The following MRM3 variants were observed in gnomAD, a reference collection of about 807,000 sequenced individuals.
The protein encoded by MRM3 is rRNA methyltransferase 3, mitochondrial.
In MRM3, 26 loss-of-function variants were observed where a neutral mutation model predicts 29.4. The observed-to-expected ratio is 0.89, with a 90% CI of 0.65 to 1.23. The LOEUF (loss-of-function observed/expected upper bound fraction) is 1.23, where lower values mean the gene tolerates loss of function less well. Among genes scored for constraint, MRM3 ranks in the 50% most tolerant of loss-of-function variants. MRM3 has a pLI of 0.00. For synonymous variants in MRM3, 225 were observed against 219.0 expected, an observed-to-expected ratio of 1.03 and a Z score of -0.24; for missense variants, 578 against 540.2, an observed-to-expected ratio of 1.07 and a Z score of -0.69.
Position 782,700 on chromosome 17 carries a change from G to A in MRM3, c.314+8G>A. On this transcript the variant is annotated splice_region_variant and intron_variant, in intron 1 of 3. Transcript: ENST00000304478. ...CGGGGACAGGAGGCTGAGGTGATGT[G>A]GTTCTTGAGCCTGTCGAATGTTCTC... is the stretch of plus-strand genomic sequence containing the variant. 6.3e-7 allele frequency: 1 copy of A among 1,589,178 alleles called. No individual in the cohort carries two copies.
rs958018630 is a variant in MRM3 at position 787,494 on chromosome 17, T to C, written c.560-471T>C. On this transcript the variant is annotated intron_variant, in intron 2 of 3. Transcript: ENST00000304478. This position sits in a 1 kb window ranked among gnomAD's most constrained non-coding sequence, Gnocchi z 4.1. ...TTGAGGGGGAGGAGAGTGGTACTGG[T>C]AGAATTTTATGTTGTTTGAATTTTG... is the stretch of plus-strand genomic sequence containing the variant. 1.3e-5 allele frequency among the ~76,000 whole-genome samples: 2 copies of C among 152,054 alleles called. No homozygotes were observed.
Position 782,553 on chromosome 17 carries a change from C to T in MRM3, c.175C>T (p.Arg59Cys). 1 of 1,614,028 alleles carries T rather than the reference C, an allele frequency of 6.2e-7. No homozygotes were observed. Among genetic ancestry groups the T allele is most frequent in the Non-Finnish European group, 8.5e-7 (1 of 1,179,922 alleles). ...GAAGCGCGCTCCTGGGAAGCAGCCC[C>T]GCAAGGCACCATCTGAGGCCAGTGC... ...EQKRAPGKQP[R>C]KAPSEASAQE... Residue 59 changes from arginine (R) to cysteine (C), a missense_variant, in exon 1 of 4, where the codon CGC (arginine) becomes TGC (cysteine). Physicochemically the swap from Arg to Cys is radical, Grantham distance 180 (BLOSUM62 -3). Coordinates refer to ENST00000304478, the MANE Select transcript of MRM3 (RefSeq NM_018146.4).
chr17:787,396 A>G lies in MRM3; in HGVS notation c.560-569A>G, dbSNP rs1597596104. On this transcript the variant is annotated intron_variant, in intron 2 of 3. Transcript: ENST00000304478. The surrounding 1 kb of genome is among the most constrained non-coding windows in gnomAD (Gnocchi z 4.1). ...CACGGAATGTAAAACACATTTACAT[A>G]TGGACAGGTGTGCATATATATAGGT... Among the ~76,000 whole-genome samples, 1 of 152,248 alleles carries G rather than the reference A, an allele frequency of 6.6e-6. No individual in the cohort carries two copies.
intron 2 of MRM3, among the ~76,000 whole-genome samples, chr17:786,903 T>TA (rs972517553): frequency 2.0e-5 from 3 of 152,142 alleles, no homozygotes; most frequent in African/African-American, 7.2e-5. Context: ...TCAAATAATT[T>TA]AACAGTCCAT....
Position 791,902 on chromosome 17 carries a change from T to TCC in MRM3, c.1098_1099dup (p.Leu367ProfsTer14). On this transcript the variant is annotated frameshift_variant, in exon 4 of 4. Transcript: ENST00000304478. LOFTEE classifies it high-confidence loss of function. ...GGAGACCTACGGCGTGAGCCTGGAGTCCCTGCAGCTGGCCGAGAGCACTGG... is the reference window on the plus strand; with the variant it reads ...GGAGACCTACGGCGTGAGCCTGGAGTCCCCCTGCAGCTGGCCGAGAGCACTGG... 2.5e-6 allele frequency: 4 copies of TCC among 1,613,618 alleles called. No homozygotes were observed. The highest frequency in any genetic ancestry group is 3.4e-6 in the Non-Finnish European group (4 of 1,179,976).
At chr17:786,358 C>G (rs917162604) in intron 2 of MRM3, among the ~76,000 whole-genome samples, 3 of 152,244 alleles carry the variant, frequency 2.0e-5, no homozygotes, top group Non-Finnish European at 4.4e-5. Context: ...ATTGCAAGGT[C>G]CGCCTCCCGG....
intron 3 of MRM3, 129 bp from the exon 4 acceptor site, chr17:791,405 C>T (rs1240733394): frequency 3.3e-6 from 3 of 903,062 alleles, no homozygotes; most frequent in Non-Finnish European, 5.0e-6. Flanking sequence ...GCAGAAGGTC[C>T]CATCCCTCAA....
At position 782,731 on chromosome 17, in the gene MRM3, C is replaced by G. The variant is rs752895874; in HGVS notation, c.314+39C>G. 1.9e-6 allele frequency: 3 copies of G among 1,555,640 alleles called. No homozygotes were observed. The African/African-American group carries it at 4.1e-5, about 21-fold the overall frequency. Reference sequence around the variant, plus strand: ...TGAGCCTGTCGAATGTTCTCGTTTCCCTTCCCGTCGCACAGCGGAACCTTA... The same window carrying G: ...TGAGCCTGTCGAATGTTCTCGTTTCGCTTCCCGTCGCACAGCGGAACCTTA... On this transcript the variant is annotated intron_variant, in intron 1 of 3. Transcript: ENST00000304478.
chr17:782,787 A>G (rs1204273102), intron 1 of MRM3, 95 bp downstream of exon 1: 2 of 1,318,570 alleles, frequency 1.5e-6, no homozygotes, highest in Non-Finnish European at 2.0e-6. Context: ...TTCTTCCAGT[A>G]CAGCCCGCTG....
rs757949402 is a variant in MRM3 at position 792,007 on chromosome 17, G to A, written c.1201G>A (p.Glu401Lys). 6.2e-7 allele frequency: 1 copy of A among 1,613,832 alleles called. No individual in the cohort carries two copies. Among genetic ancestry groups the A allele is most frequent in the Admixed American group, 1.7e-5 (1 of 60,008 alleles). Reference protein sequence around the residue: ...SAMAASILLFEGKRQLRGRAE... With the variant: ...SAMAASILLFKGKRQLRGRAE... ...CATGGCGGCAAGCATCCTGCTTTTC[G>A]AAGGGAAAAGACAGCTGCGGGGGAG... Residue 401 changes from glutamate to lysine, a missense_variant, in exon 4 of 4, where the codon GAA becomes AAA. Glu to Lys is a moderately conservative substitution (Grantham distance 56, BLOSUM62 1). Coordinates refer to ENST00000304478, the MANE Select transcript of MRM3 (RefSeq NM_018146.4).
In MRM3 at chr17:782,367, G is replaced by A; in HGVS notation, c.-12G>A. On this transcript the variant is annotated 5_prime_UTR_variant, in exon 1 of 4. Coordinates refer to ENST00000304478, the MANE Select transcript of MRM3 (RefSeq NM_018146.4). ...GGCGCGCTTTCGTGACGCAGCCCGG[G>A]TCTCAGGGAACATGGCGGCGCTGGT... is the stretch of plus-strand genomic sequence containing the variant. The A allele has an allele frequency of 6.2e-7, 1 of 1,613,516 alleles. No individual in the cohort carries two copies. The highest frequency in any genetic ancestry group is 2.2e-5 in the East Asian group (1 of 44,864).
Position 782,612 on chromosome 17 carries a change from G to T in MRM3, c.234G>T (p.Glu78Asp). ...QEQREKQPLE[E>D]SASRAPSTWE... ...AACGAGAGAAACAACCGCTCGAGGA[G>T]TCCGCATCCCGCGCTCCCAGCACCT... Residue 78 changes from glutamate (E) to aspartate (D), a missense_variant, in exon 1 of 4, where the codon GAG (glutamate) becomes GAT (aspartate). Transcript: ENST00000304478. The T allele has an allele frequency of 6.2e-7, 1 of 1,614,014 alleles. No homozygotes were observed. The highest frequency in any genetic ancestry group is 8.5e-7 in the Non-Finnish European group (1 of 1,179,980).
chr17:783,955 C>T (rs1012553701), intron 2 of MRM3, among the ~76,000 whole-genome samples: 1 of 152,132 alleles, frequency 6.6e-6, no homozygotes, highest in Non-Finnish European at 1.5e-5. Flanking sequence ...TGCAAAACCT[C>T]TGCCAATGTG....
At position 791,959 on chromosome 17, in the gene MRM3, G is replaced by A; in HGVS notation, c.1153G>A (p.Gly385Ser). 1 of 1,614,064 alleles carries A rather than the reference G, an allele frequency of 6.2e-7. No homozygotes were observed. Among genetic ancestry groups the A allele is most frequent in the Non-Finnish European group, 8.5e-7 (1 of 1,180,042 alleles). The stretch of plus-strand genomic sequence containing the variant: ...GAGGCTGCTGATCCCCGTTGTGCCT[G>A]GTGTGGACAGCCTCAACTCGGCCAT... ...GKRLLIPVVP[G>S]VDSLNSAMAA... The change falls in exon 4 of 4, where the codon GGT becomes AGT. Residue 385 changes from glycine to serine, a missense_variant. By Grantham distance (56) the Gly-to-Ser change is moderately conservative. Transcript: ENST00000304478.
chr17:790,528 C>G (rs1011355508), intron 3 of MRM3: 2 of 214,130 alleles, frequency 9.3e-6, no homozygotes, highest in African/African-American at 4.8e-5. Context: ...GGCTCACTGC[C>G]TGTGCCACCA....
chr17:784,715 G>A (rs888074709), intron 2 of MRM3, among the ~76,000 whole-genome samples: 2 of 152,194 alleles, frequency 1.3e-5, no homozygotes, highest in Admixed American at 1.3e-4. Flanking sequence ...CACCTGTCAG[G>A]CTTTAGACAG....
At position 788,080 on chromosome 17, in the gene MRM3, A is replaced by G. The variant is rs1910622850; in HGVS notation, c.675A>G (p.Thr225=). The G allele has an allele frequency of 6.2e-7, 1 of 1,614,076 alleles. No homozygotes were observed. The highest frequency in any genetic ancestry group is 1.3e-5 in the African/African-American group (1 of 74,934). Residue 225 remains threonine, a synonymous_variant, in exon 3 of 4, where the codon ACA becomes ACG. Transcript: ENST00000304478. ...TCCGTGACCCTGGGAACCTGGGGAC[A>G]ATTCTGAGATCTGCAGCTGGGGCAG... ...DNLRDPGNLG[T]ILRSAAGAGC...
intron 2 of MRM3, among the ~76,000 whole-genome samples, chr17:786,559 G>C (rs1597595557): frequency 6.6e-6 from 1 of 152,164 alleles, no homozygotes; most frequent in South Asian, 2.1e-4. Context: ...ACAGGCATGA[G>C]CTACCGTGCC....
rs752786378 is a variant in MRM3 at position 791,646 on chromosome 17, T to C, written c.840T>C (p.Pro280=). Reference sequence around the variant, plus strand: ...AAACCGTGCCCAATTACCTGCCCCCTGACACTCGGGTCTATGTGGCTGACA... The same window carrying C: ...AAACCGTGCCCAATTACCTGCCCCCCGACACTCGGGTCTATGTGGCTGACA... ...EWETVPNYLP[P]DTRVYVADNC... Residue 280 remains proline (P), a synonymous_variant, in exon 4 of 4, where the codon CCT becomes CCC. Transcript: ENST00000304478. 1.9e-6 allele frequency: 3 copies of C among 1,614,232 alleles called. No individual in the cohort carries two copies. The highest frequency in any genetic ancestry group is 1.7e-6 in the Non-Finnish European group (2 of 1,180,042).
Sources: allele counts gnomAD v4.1 joint callset (sites outside exome capture counted in the v4.1 genomes callset), GRCh38; gene constraint gnomAD v4.1.1; non-coding constraint Gnocchi (gnomAD v3.1); transcripts MANE v1.5; gene names NCBI Gene and HGNC (gene_info 2026-07-23, HGNC 2026-07-21).